TRPC5: variants seen among roughly 807,000 people sequenced by gnomAD.
The protein encoded by TRPC5 is transient receptor potential cation channel subfamily C member 5, also known as short transient receptor potential channel 5.
Under a neutral mutation model 56.5 loss-of-function variants are expected in TRPC5, and 9 were observed. That is an observed-to-expected ratio of 0.16 (90% confidence interval 0.10 to 0.28). TRPC5 has a LOEUF of 0.28. Ranked by LOEUF, TRPC5 falls within the 10% of genes least tolerant of loss-of-function variation. The pLI is 1.00. For synonymous variants in TRPC5, 282 were observed against 278.5 expected (o/e 1.01, Z -0.13); for missense variants, 469 against 748.9 (o/e 0.63, Z 4.36).
intron 1 of TRPC5, among the ~76,000 whole-genome samples, chrX:112,061,129 T>G (rs1602417922): frequency 1.8e-5 from 2 of 112,769 alleles, no homozygotes; most frequent in Admixed American, 1.9e-4. Flanking sequence ...GTTCAACAAC[T>G]GTTTATTAAT....
Position 112,073,535 on chromosome X carries a change from G to A in TRPC5, c.-22+8344C>T, listed in dbSNP as rs147047397. Among the ~76,000 whole-genome samples, 734 of 111,486 alleles carry A rather than the reference G, an allele frequency of 6.6e-3. 4 individuals carry two copies. The highest frequency in any genetic ancestry group is 0.011 in the Non-Finnish European group (588 of 52,906). On this transcript the variant is annotated intron_variant, in intron 1 of 10. Coordinates refer to ENST00000262839, the MANE Select transcript of TRPC5 (RefSeq NM_012471.3). ...TCCATCTGCCTTGGCCTCCCAAAGTGGTGGGATTACAGATGTGAGCCACCA... is the reference window on the plus strand; with the variant it reads ...TCCATCTGCCTTGGCCTCCCAAAGTAGTGGGATTACAGATGTGAGCCACCA...
At chrX:111,838,002 T>A (rs1320998205) in intron 6 of TRPC5, among the ~76,000 whole-genome samples, 1 of 108,387 alleles carries the variant, frequency 9.2e-6, no homozygotes, top group Non-Finnish European at 1.9e-5. Flanking sequence ...AGCCCAGGAA[T>A]TTGAGGCTGC....
intron 7 of TRPC5, among the ~76,000 whole-genome samples, chrX:111,793,545 T>C (rs1324302541): frequency 9.0e-6 from 1 of 111,475 alleles, no homozygotes; most frequent in African/African-American, 3.3e-5. Flanking sequence ...AAAAGACAGA[T>C]AATAACAACT....
At chrX:111,781,313 A>G in intron 8 of TRPC5, 107 bp from the exon 9 acceptor site, 3 of 690,320 alleles carry the variant, frequency 4.3e-6, no homozygotes, top group Non-Finnish European at 6.7e-6. Flanking sequence ...AGAGAATGCT[A>G]CAGGAGCTCC....
At chrX:111,784,835 G>A (rs776038387) in intron 7 of TRPC5, among the ~76,000 whole-genome samples, 2 of 112,770 alleles carry the variant, frequency 1.8e-5, no homozygotes, top group East Asian at 5.6e-4. Context: ...AGCAGTCTGA[G>A]ATTGATCTGC....
intron 2 of TRPC5, among the ~76,000 whole-genome samples, chrX:111,944,303 T>TGTGTGTGTGTGAGAAAGAGA (rs1173179815): frequency 1.6e-5 from 1 of 61,393 alleles, no homozygotes; most frequent in African/African-American, 1.1e-4. Flanking sequence ...TGTGTGTGTG[T>TGTGTGTGTGTGAGAAAGAGA]GAGAGAGAGA....
At chrX:112,041,914 G>A (rs1471942891) in intron 1 of TRPC5, among the ~76,000 whole-genome samples, 4 of 111,551 alleles carry the variant, frequency 3.6e-5, no homozygotes, top group African/African-American at 9.8e-5. Flanking sequence ...GCATTTTATA[G>A]CTCGACTCTC....
At chrX:111,926,918 T>A (rs1340137963) in intron 2 of TRPC5, among the ~76,000 whole-genome samples, 1 of 111,968 alleles carries the variant, frequency 8.9e-6, no homozygotes, top group East Asian at 2.8e-4. Context: ...TGACAGTAGA[T>A]AAAAGAGAGG....
intron 2 of TRPC5, among the ~76,000 whole-genome samples, chrX:111,943,032 T>G (rs1039380651): frequency 1.8e-5 from 2 of 111,749 alleles, no homozygotes; most frequent in African/African-American, 6.5e-5. Flanking sequence ...TACCATTTAT[T>G]GAGTACTTAC....
In TRPC5 at chrX:111,771,573, A is replaced by G. The variant is rs913394143; in HGVS notation, c.*4740T>C. On this transcript the variant is annotated 3_prime_UTR_variant, in exon 11 of 11. Transcript: ENST00000262839. ...TTTTCTAAAAGTAAAGCTCTCACAA[A>G]GCACCCACTAACACCTCCTCTGGAT... Among the ~76,000 whole-genome samples, 1 of 111,201 alleles carries G rather than the reference A, an allele frequency of 9.0e-6. No homozygotes were observed. Among genetic ancestry groups the G allele is most frequent in the Non-Finnish European group, 1.9e-5 (1 of 53,080 alleles).
At chrX:112,060,926 T>G (rs1443267665) in intron 1 of TRPC5, among the ~76,000 whole-genome samples, 1 of 112,415 alleles carries the variant, frequency 8.9e-6, no homozygotes, top group Non-Finnish European at 1.9e-5. Flanking sequence ...TTTTCTAATT[T>G]TGTGGACTCT....
At chrX:111,927,814 CT>C (rs35342500) in intron 2 of TRPC5, among the ~76,000 whole-genome samples, 21,249 of 97,604 alleles carry the variant, frequency 0.22, 2,540 homozygotes, top group African/African-American at 0.44. Flanking sequence ...TGATGGGAAA[CT>C]TTTTTTTTTT....
chrX:111,775,438 T>C lies in TRPC5; in HGVS notation c.*875A>G, dbSNP rs367822088. On this transcript the variant is annotated 3_prime_UTR_variant, in exon 11 of 11. Transcript: ENST00000262839. ...ACAGTAGAATAGGACCCAACAAATA[T>C]GACAACTATTTATCTTGCCAATGTA... The C allele has an allele frequency of 1.3e-4, 15 of 112,216 alleles. No individual in the cohort carries two copies. The East Asian group carries it at 2.5e-3, about 19-fold the overall frequency. The allele number at this position is 112,216 out of a possible 1,213,427, so 9.2% of individuals were successfully genotyped here. A position where few individuals can be genotyped will look rare whatever the true frequency, so the allele number is the denominator to read the frequency against.
At chrX:112,027,346 T>G (rs1929440846) in intron 1 of TRPC5, among the ~76,000 whole-genome samples, 1 of 112,115 alleles carries the variant, frequency 8.9e-6, no homozygotes, top group South Asian at 3.7e-4. Context: ...ATGCTTCATC[T>G]TTCAAAATAC....
At chrX:111,966,693 G>A (rs374648059) in intron 1 of TRPC5, among the ~76,000 whole-genome samples, 1 of 109,961 alleles carries the variant, frequency 9.1e-6, no homozygotes, top group African/African-American at 3.3e-5. Flanking sequence ...ATCAATAAAT[G>A]TAATCCAGCA....
At chrX:111,783,701 C>T in intron 7 of TRPC5, among the ~76,000 whole-genome samples, 1 of 110,441 alleles carries the variant, frequency 9.1e-6, no homozygotes, top group Non-Finnish European at 1.9e-5. Flanking sequence ...TTCTTCCAGT[C>T]TGTATCTTGT....
At position 112,014,305 on chromosome X, in the gene TRPC5, G is replaced by A. The variant is rs111685742; in HGVS notation, c.-21-61864C>T. ...CTCAGTTTTCTCCATCATTTTGAAT[G>A]TGCAGAAATAGCTTCCAGATTGTAT... On this transcript the variant is annotated intron_variant, in intron 1 of 10. Transcript: ENST00000262839. 6.3e-3 allele frequency among the ~76,000 whole-genome samples: 714 copies of A among 112,611 alleles called. 5 individuals carry two copies. Among genetic ancestry groups the A allele is most frequent in the African/African-American group, 0.022 (669 of 31,056 alleles).
chrX:111,968,077 G>A, intron 1 of TRPC5, among the ~76,000 whole-genome samples: 1 of 110,518 alleles, frequency 9.0e-6, no homozygotes, highest in Non-Finnish European at 1.9e-5. Flanking sequence ...CTACTCCTCT[G>A]ACAAAGGGCT....
At chrX:111,847,026 T>C (rs1335764295) in intron 6 of TRPC5, 88 bp downstream of exon 6, 3 of 991,468 alleles carry the variant, frequency 3.0e-6, no homozygotes, top group Non-Finnish European at 4.1e-6. Flanking sequence ...GTGATGAAGC[T>C]GTAGGCTGAA....
Sources: allele counts gnomAD v4.1 joint callset (sites outside exome capture counted in the v4.1 genomes callset), GRCh38; gene constraint gnomAD v4.1.1; transcripts MANE v1.5; gene names NCBI Gene and HGNC (gene_info 2026-07-23, HGNC 2026-07-21).